The following CREB3L2 variants were observed in gnomAD, a reference collection of about 807,000 sequenced individuals.
CREB3L2 encodes the protein cAMP responsive element binding protein 3 like 2.
Under a neutral mutation model 57.2 loss-of-function variants are expected in CREB3L2, and 23 were observed. The ratio of observed to expected loss-of-function variants is 0.40; its 90% CI spans 0.29 to 0.57. CREB3L2 has a LOEUF of 0.57. CREB3L2 is among the 20% of genes least tolerant of loss of function. The pLI is 0.42. For missense variants in CREB3L2, 628 were observed against 634.7 expected, an observed-to-expected ratio of 0.99 and a Z score of 0.11; for synonymous variants, 268 against 265.1, an observed-to-expected ratio of 1.01 and a Z score of -0.11.
chr7:137,980,288 T>C lies in CREB3L2; in HGVS notation c.102+21316A>G, dbSNP rs1585674368. On this transcript the variant is annotated intron_variant, in intron 1 of 11. Transcript: ENST00000330387. This position sits in a 1 kb window ranked among gnomAD's most constrained non-coding sequence, Gnocchi z 4.3. Reference sequence around the variant, plus strand: ...CAGAACCAATTAAATCAGAATCTCTTGGGCTGGGACCCAGGCATCAAAGTT... The same window carrying C: ...CAGAACCAATTAAATCAGAATCTCTCGGGCTGGGACCCAGGCATCAAAGTT... 6.6e-6 allele frequency among the ~76,000 whole-genome samples: 1 copy of C among 152,182 alleles called. No individual in the cohort carries two copies. The highest frequency in any genetic ancestry group is 2.4e-5 in the African/African-American group (1 of 41,454).
chr7:137,903,909 T>A (rs373147162), intron 7 of CREB3L2, 50 bp downstream of exon 7: 1 of 1,467,546 alleles, frequency 6.8e-7, no homozygotes, highest in Non-Finnish European at 9.6e-7. Context: ...ACACCCATAT[T>A]TCCCTGTGCA....
intron 9 of CREB3L2, 22 bp from the exon 10 acceptor site, chr7:137,885,143 G>A (rs1481129921): frequency 1.2e-6 from 2 of 1,613,036 alleles, no homozygotes; most frequent in East Asian, 2.2e-5. Context: ...AAAGAGGGGA[G>A]AGAGAACACG....
intron 1 of CREB3L2, among the ~76,000 whole-genome samples, chr7:137,944,834 A>G (rs1053979844): frequency 1.3e-5 from 2 of 152,130 alleles, no homozygotes; most frequent in Non-Finnish European, 2.9e-5. Flanking sequence ...CTTTTTATCT[A>G]TTTCATAAAT....
intron 1 of CREB3L2, among the ~76,000 whole-genome samples, chr7:137,939,689 G>C (rs1800849248): frequency 6.6e-6 from 1 of 152,194 alleles, no homozygotes; most frequent in Admixed American, 6.5e-5. Context: ...CTGTGATTCT[G>C]TTCTTGTCAT....
rs964799077 is a variant in CREB3L2 at position 137,877,836 on chromosome 7, C to T, written c.*2640G>A. 4.4e-6 allele frequency: 1 copy of T among 228,628 alleles called. No homozygotes were observed. The allele number at this position is 228,628 out of a possible 1,614,324, so 14.2% of individuals were successfully genotyped here. ...TGATATTCTGGTCTTAATCCCTGAA[C>T]AGAAAATGTGCACACATCCATTAAC... On this transcript the variant is annotated 3_prime_UTR_variant, in exon 12 of 12. Coordinates refer to ENST00000330387, the MANE Select transcript of CREB3L2 (RefSeq NM_194071.4).
Position 138,002,022 on chromosome 7 carries a change from G to A in CREB3L2, c.-317C>T. ...CTCATCCCAGGAAAATCCCTTAGCC[G>A]CAAGCCCACTTGCCGCTACGGCTCC... On this transcript the variant is annotated 5_prime_UTR_variant, in exon 1 of 12. Coordinates refer to ENST00000330387, the MANE Select transcript of CREB3L2 (RefSeq NM_194071.4). The A allele has an allele frequency of 8.9e-6, 3 of 336,596 alleles. No individual in the cohort carries two copies. The highest frequency in any genetic ancestry group is 6.2e-5 in the South Asian group (1 of 16,056). 20.9% of individuals were successfully genotyped at this position (336,596 alleles called of 1,614,324 possible). A position where few individuals can be genotyped will look rare whatever the true frequency, so the allele number is the denominator to read the frequency against.
At position 137,928,304 on chromosome 7, in the gene CREB3L2, A is replaced by C; in HGVS notation, c.165T>G (p.Pro55=). ...QNVLGQLLND[P]FLSEKSVSME... is the part of the protein sequence containing the mutation. ...TTGACACACTCTTCTCTGAGAGGAA[A>C]GGATCATTCAGGAGCTGACCCAAGA... is the stretch of plus-strand genomic sequence containing the variant. The change falls in exon 2 of 12, where the codon CCT becomes CCG. Residue 55 remains proline, a synonymous_variant. Transcript: ENST00000330387. 6.2e-7 allele frequency: 1 copy of C among 1,614,174 alleles called. No individual in the cohort carries two copies. Among genetic ancestry groups the C allele is most frequent in the East Asian group, 2.2e-5 (1 of 44,880 alleles).
chr7:137,972,857 G>A (rs1413207803), intron 1 of CREB3L2, among the ~76,000 whole-genome samples: 3 of 150,574 alleles, frequency 2.0e-5, no homozygotes, highest in Non-Finnish European at 4.4e-5. Context: ...TAAGGCACCT[G>A]TAACATTCAT....
At chr7:137,966,096 T>G (rs1000993781) in intron 1 of CREB3L2, among the ~76,000 whole-genome samples, 2 of 152,104 alleles carry the variant, frequency 1.3e-5, no homozygotes, top group Non-Finnish European at 2.9e-5. Context: ...CATCAAGGAC[T>G]TAGGTGAACA....
At chr7:137,936,640 A>G (rs1208386217) in intron 1 of CREB3L2, among the ~76,000 whole-genome samples, 1 of 152,180 alleles carries the variant, frequency 6.6e-6, no homozygotes. Flanking sequence ...TGCCTGAGAA[A>G]TGCTCACAGC....
At chr7:137,994,762 TA>T (rs1433582417) in intron 1 of CREB3L2, among the ~76,000 whole-genome samples, 1 of 152,118 alleles carries the variant, frequency 6.6e-6, no homozygotes, top group Non-Finnish European at 1.5e-5. Context: ...CTAGGCAACA[TA>T]AGGAGACCCT....
At chr7:137,894,641 G>A (rs950623432) in intron 8 of CREB3L2, among the ~76,000 whole-genome samples, 2 of 152,040 alleles carry the variant, frequency 1.3e-5, no homozygotes, top group African/African-American at 2.4e-5. Flanking sequence ...CTAGGTACTG[G>A]AGTAAGTTCT....
In CREB3L2 at chr7:137,991,342, T is replaced by A. The variant is rs894396119; in HGVS notation, c.102+10262A>T. On this transcript the variant is annotated intron_variant, in intron 1 of 11. Coordinates refer to ENST00000330387, the MANE Select transcript of CREB3L2 (RefSeq NM_194071.4). The stretch of plus-strand genomic sequence containing the variant: ...CCACACCTGGCTAATTTTTTTGTAT[T>A]TTTAGTAGAGACGGGATTTCACCGT... Among the ~76,000 whole-genome samples the A allele has an allele frequency of 4.6e-5, 7 of 151,860 alleles. No homozygotes were observed. The East Asian group carries it at 1.4e-3, about 30-fold the overall frequency.
chr7:137,941,275 T>C (rs1416388865), intron 1 of CREB3L2, among the ~76,000 whole-genome samples: 2 of 152,204 alleles, frequency 1.3e-5, no homozygotes, highest in African/African-American at 4.8e-5. Context: ...AATTCATCGA[T>C]ACAAGTCTAA....
intron 1 of CREB3L2, among the ~76,000 whole-genome samples, chr7:137,975,684 A>G (rs988982567): frequency 2.0e-5 from 3 of 152,208 alleles, no homozygotes; most frequent in African/African-American, 7.2e-5. Context: ...ATCCAATTGT[A>G]AAATAGCAGG....
chr7:137,896,162 G>A (rs1044931091), intron 8 of CREB3L2, among the ~76,000 whole-genome samples: 1 of 152,220 alleles, frequency 6.6e-6, no homozygotes, highest in Non-Finnish European at 1.5e-5. Flanking sequence ...TTCTCTGAGC[G>A]CCACAGACGC....
intron 3 of CREB3L2, 54 bp downstream of exon 3, chr7:137,915,783 A>T (rs1800115306): frequency 6.7e-7 from 1 of 1,481,760 alleles, no homozygotes; most frequent in Non-Finnish European, 9.3e-7. Context: ...GAGAATGAGG[A>T]TCTATCTGTA....
intron 1 of CREB3L2, among the ~76,000 whole-genome samples, chr7:137,936,767 A>G (rs1460951933): frequency 6.6e-6 from 1 of 152,258 alleles, no homozygotes; most frequent in African/African-American, 2.4e-5. Flanking sequence ...CAGAGAAAGT[A>G]GTAATAACAC....
At chr7:137,950,157 T>C (rs1226618721) in intron 1 of CREB3L2, among the ~76,000 whole-genome samples, 1 of 152,084 alleles carries the variant, frequency 6.6e-6, no homozygotes, top group Non-Finnish European at 1.5e-5. Flanking sequence ...AAAGCCACAC[T>C]CTTTCCAATA....
Sources: allele counts gnomAD v4.1 joint callset (sites outside exome capture counted in the v4.1 genomes callset), GRCh38; gene constraint gnomAD v4.1.1; non-coding constraint Gnocchi (gnomAD v3.1); transcripts MANE v1.5; gene names NCBI Gene and HGNC (gene_info 2026-07-23, HGNC 2026-07-21).